Variants in FBXW4 observed in about 807,000 individuals in gnomAD.
The protein encoded by FBXW4 is F-box/WD repeat-containing protein 4.
A neutral mutation model predicts 61.8 loss-of-function variants in FBXW4; 40 were observed. That is an observed-to-expected ratio of 0.65 (90% CI 0.50 to 0.84). The LOEUF (loss-of-function observed/expected upper bound fraction) is 0.84. FBXW4 is among the 40% of genes least tolerant of loss of function. The probability of loss-of-function intolerance (pLI) is 0.00; values close to 1 mark genes in which losing one functional copy is unlikely to be tolerated. For synonymous variants in FBXW4, 311 were observed against 313.8 expected, an observed-to-expected ratio of 0.99 and a Z score of 0.10; for missense variants, 672 against 753.8, an observed-to-expected ratio of 0.89 and a Z score of 1.27.
chr10:101,641,446 C>G (rs1377114889), intron 5 of FBXW4, among the ~76,000 whole-genome samples: 1 of 152,154 alleles, frequency 6.6e-6, no homozygotes, highest in African/African-American at 2.4e-5. Flanking sequence ...GTTACAACTT[C>G]TTTTATCTCT....
At chr10:101,670,059 G>A (rs1485870691) in intron 4 of FBXW4, among the ~76,000 whole-genome samples, 1 of 152,118 alleles carries the variant, frequency 6.6e-6, no homozygotes, top group African/African-American at 2.4e-5. Flanking sequence ...CCGGCCGGGA[G>A]TGGACATTTA....
At chr10:101,678,980 A>C (rs909059407) in intron 1 of FBXW4, among the ~76,000 whole-genome samples, 13 of 152,188 alleles carry the variant, frequency 8.5e-5, no homozygotes, top group East Asian at 1.9e-4. Context: ...AGGATAAAAA[A>C]ACACACACAC....
intron 5 of FBXW4, among the ~76,000 whole-genome samples, chr10:101,628,281 A>G (rs2063923194): frequency 6.6e-6 from 1 of 152,322 alleles, no homozygotes; most frequent in Non-Finnish European, 1.5e-5. Flanking sequence ...CTCTTCCCTC[A>G]GGGGTATTCC....
Position 101,611,751 on chromosome 10 carries a change from C to T in FBXW4, c.1461G>A (p.Trp487Ter). Residue 487 changes from tryptophan (W) to a stop codon, truncating the protein, a stop_gained, in exon 8 of 9, where the codon TGG (tryptophan) becomes TGA (stop). Transcript: ENST00000331272. LOFTEE classifies it high-confidence loss of function. The surrounding 1 kb of genome is among the most constrained non-coding windows in gnomAD (Gnocchi z 4.9). ...ACAGGGTGCTGTCGTGGGGCTCCTC[C>T]CACTCCATGACACATTTCCTGTCCA... ...RTSVRKCVMEWEEPHDSTLYC... is the reference protein window; with the variant it reads ...RTSVRKCVME The T allele has an allele frequency of 6.2e-7, 1 of 1,613,974 alleles. No homozygotes were observed. Among genetic ancestry groups the T allele is most frequent in the Non-Finnish European group, 8.5e-7 (1 of 1,179,954 alleles).
intron 1 of FBXW4, among the ~76,000 whole-genome samples, chr10:101,681,569 T>G (rs1001642219): frequency 4.7e-5 from 7 of 149,914 alleles, no homozygotes; most frequent in Admixed American, 2.7e-4. Flanking sequence ...TACAAAAAAT[T>G]AGCCAGGCGT....
rs1195107471 is a variant in FBXW4, at chr10:101,629,229, CAT to C, written c.1236-4421_1236-4420del. 3.3e-5 allele frequency among the ~76,000 whole-genome samples: 5 copies of C among 152,242 alleles called. No homozygotes were observed. In the East Asian group the frequency reaches 9.6e-4, roughly 29 times the overall value. On this transcript the variant is annotated intron_variant, in intron 5 of 8. Transcript: ENST00000331272. ...CTTACTATGTGCCAGGTGCTGAGCACATGTTTCAAAAGCATTATCCTATGTAA... is the reference window on the plus strand; with the variant it reads ...CTTACTATGTGCCAGGTGCTGAGCACGTTTCAAAAGCATTATCCTATGTAA...
chr10:101,665,099 G>C (rs2064285233), intron 5 of FBXW4, among the ~76,000 whole-genome samples: 2 of 152,076 alleles, frequency 1.3e-5, no homozygotes, highest in South Asian at 4.2e-4. Context: ...AAATGGCTGA[G>C]TTTATTGAAA....
intron 5 of FBXW4, among the ~76,000 whole-genome samples, chr10:101,655,122 G>A (rs1242571392): frequency 6.6e-6 from 1 of 152,182 alleles, no homozygotes; most frequent in East Asian, 1.9e-4. Context: ...GTGCCACCAT[G>A]CCTGGCCTAT....
At chr10:101,652,496 G>A (rs1335606665) in intron 5 of FBXW4, among the ~76,000 whole-genome samples, 1 of 151,484 alleles carries the variant, frequency 6.6e-6, no homozygotes, top group Non-Finnish European at 1.5e-5. Context: ...GAGCTGAGGG[G>A]GGAAAAATTA....
At chr10:101,619,692 GGACA>G (rs2063853282) in intron 6 of FBXW4, among the ~76,000 whole-genome samples, 1 of 151,922 alleles carries the variant, frequency 6.6e-6, no homozygotes, top group Non-Finnish European at 1.5e-5. Context: ...AGGGGGAAGG[GGACA>G]GCCAAGCTCC....
chr10:101,689,587 G>C (rs2064570883), intron 1 of FBXW4, among the ~76,000 whole-genome samples: 1 of 152,216 alleles, frequency 6.6e-6, no homozygotes, highest in South Asian at 2.1e-4. Context: ...GGGTAAGGCA[G>C]AAAACTGGAG....
intron 5 of FBXW4, among the ~76,000 whole-genome samples, chr10:101,638,485 C>T (rs1189031016): frequency 3.4e-5 from 5 of 145,510 alleles, no homozygotes; most frequent in Non-Finnish European, 7.5e-5. Context: ...ACTGGATGTC[C>T]TGCAAAAAAA....
At chr10:101,615,432 C>T (rs928617676) in intron 6 of FBXW4, among the ~76,000 whole-genome samples, 1 of 152,094 alleles carries the variant, frequency 6.6e-6, no homozygotes, top group African/African-American at 2.4e-5. Context: ...CCCAGGGAAA[C>T]ATAAAGACAG....
At chr10:101,617,508 T>C (rs908404706) in intron 6 of FBXW4, among the ~76,000 whole-genome samples, 13 of 152,158 alleles carry the variant, frequency 8.5e-5, no homozygotes, top group Non-Finnish European at 5.9e-5. Context: ...AAGCTTCACT[T>C]GCCTCAGCCC....
chr10:101,679,191 C>A (rs1023080752), intron 1 of FBXW4, among the ~76,000 whole-genome samples: 3 of 152,156 alleles, frequency 2.0e-5, no homozygotes, highest in Non-Finnish European at 2.9e-5. Context: ...CTCAAGCAAT[C>A]CTCCTGCATC....
chr10:101,637,952 C>T (rs995562688), intron 5 of FBXW4, among the ~76,000 whole-genome samples: 4 of 152,004 alleles, frequency 2.6e-5, no homozygotes, highest in South Asian at 4.2e-4. Context: ...TTTCAAAAAA[C>T]GGATATTACC....
chr10:101,659,278 G>T, intron 5 of FBXW4: 1 of 566,266 alleles, frequency 1.8e-6, no homozygotes, highest in Non-Finnish European at 2.2e-6. Flanking sequence ...AAGGTTACCT[G>T]GCATAGAAGG....
chr10:101,693,312 CTT>C (rs1217962952), intron 1 of FBXW4, among the ~76,000 whole-genome samples: 1 of 152,098 alleles, frequency 6.6e-6, no homozygotes, highest in African/African-American at 2.4e-5. Flanking sequence ...TGACATGTGA[CTT>C]ATATTTCAGT....
rs114168325 is a variant in FBXW4 at position 101,646,002 on chromosome 10, G to A, written c.1236-21192C>T. On this transcript the variant is annotated intron_variant, in intron 5 of 8. Transcript: ENST00000331272. ...GTACCTATCTGGGGGGATTAAATAA[G>A]GTATAAAGTGGTCAGCATAGTGCCT... Among the ~76,000 whole-genome samples the A allele has an allele frequency of 2.8e-3, 425 of 152,222 alleles. 2 individuals carry two copies. The highest frequency in any genetic ancestry group is 9.9e-3 in the African/African-American group (412 of 41,544).
Sources: gnomAD v4.1 joint callset for allele counts (sites outside exome capture counted in the v4.1 genomes callset) on GRCh38, gnomAD v4.1.1 for gene constraint, Gnocchi (gnomAD v3.1) non-coding constraint, MANE v1.5 for transcripts, NCBI Gene and HGNC (gene_info 2026-07-23, HGNC 2026-07-21) for gene names.